TMEM237: variants seen among roughly 807,000 people sequenced by gnomAD.
The protein encoded by TMEM237 is transmembrane protein 237.
TMEM237 carries 51 observed loss-of-function variants against 59.1 expected under a neutral mutation model. The ratio of observed to expected loss-of-function variants is 0.86; its 90% CI spans 0.69 to 1.09. The LOEUF is 1.09. TMEM237 is among the 50% of genes least tolerant of loss of function. The pLI, the probability that TMEM237 is intolerant of heterozygous loss-of-function variation, is 0.00. For synonymous variants in TMEM237, 140 were observed against 166.1 expected, an observed-to-expected ratio of 0.84 and a Z score of 1.21; for missense variants, 475 against 478.3, an observed-to-expected ratio of 0.99 and a Z score of 0.06.
At chr2:201,624,345 C>T in intron 12 of TMEM237, 23 bp from the exon 13 acceptor site, 2 of 1,596,750 alleles carry the variant, frequency 1.3e-6, no homozygotes, top group Non-Finnish European at 1.7e-6. Context: ...ATGAACAGAT[C>T]ATACTTAAAA....
intron 7 of TMEM237, among the ~76,000 whole-genome samples, chr2:201,630,318 G>A (rs1559586583): frequency 6.6e-6 from 1 of 152,100 alleles, no homozygotes; most frequent in Non-Finnish European, 1.5e-5. Flanking sequence ...TGGCTTTCTG[G>A]GATGACAGGA....
Position 201,628,121 on chromosome 2 carries a change from T to C in TMEM237, c.898A>G (p.Ile300Val), listed in dbSNP as rs774932736. The change falls in exon 10 of 13, where the codon ATC becomes GTC. Residue 300 changes from isoleucine to valine, a missense_variant. By Grantham distance (29) the Ile-to-Val change is conservative. Coordinates refer to ENST00000409883, the MANE Select transcript of TMEM237 (RefSeq NM_001044385.3). ...RIDFAKISVA[I>V]RNFLALDPTA... ...GGATCCAGGGCCAAAAAATTTCGGA[T>C]TGCTACTGATATTTTAGCAAAGTCA... The C allele has an allele frequency of 6.2e-7, 1 of 1,607,318 alleles. No homozygotes were observed. The highest frequency in any genetic ancestry group is 8.5e-7 in the Non-Finnish European group (1 of 1,176,764).
chr2:201,634,750 G>A (rs1002112905), intron 5 of TMEM237: 13 of 229,392 alleles, frequency 5.7e-5, no homozygotes, highest in African/African-American at 2.1e-4. Flanking sequence ...CCGCCCCTTC[G>A]TTCTCATAGA....
chr2:201,629,249 T>C lies in TMEM237; in HGVS notation c.850A>G (p.Thr284Ala), dbSNP rs759490227. ...SLLYLLLALS[T>A]ISAFDRIDFA... ...CATTACCTGTCAAAAGCTGAAATTG[T>C]ACTCAGAGCCAAAAGCAAGTACAGA... The change falls in exon 9 of 13, where the codon ACA (threonine) becomes GCA (alanine). Residue 284 changes from threonine (T) to alanine (A), a missense_variant. By Grantham distance (58) the Thr-to-Ala change is moderately conservative. Transcript: ENST00000409883. The C allele has an allele frequency of 6.4e-7, 1 of 1,572,174 alleles. No homozygotes were observed. The highest frequency in any genetic ancestry group is 8.6e-7 in the Non-Finnish European group (1 of 1,165,754).
intron 1 of TMEM237, chr2:201,642,712 A>T: frequency 1.9e-6 from 3 of 1,560,076 alleles, no homozygotes; most frequent in Non-Finnish European, 2.6e-6. Context: ...CGCAGGCGCA[A>T]TGCGTCATCG....
In TMEM237 at chr2:201,621,604, A is replaced by T. The variant is rs1268148187; in HGVS notation, c.*2651T>A. On this transcript the variant is annotated 3_prime_UTR_variant, in exon 13 of 13. Transcript: ENST00000409883. ...AAAAGCGAATCCCATAAAATTACAT[A>T]CTGTATGATTCAATTTATAACATTA... is the stretch of plus-strand genomic sequence containing the variant. 3 of 152,642 alleles carry T rather than the reference A, an allele frequency of 2.0e-5. No individual in the cohort carries two copies. Among genetic ancestry groups the T allele is most frequent in the Non-Finnish European group, 2.9e-5 (2 of 68,038 alleles). 9.5% of individuals were successfully genotyped at this position (152,642 alleles called of 1,614,324 possible).
rs1057148787 is a variant in TMEM237, at chr2:201,627,372, G to C, written c.986C>G (p.Thr329Arg). ...ALILSLSQQM[T>R]SDRIHLYTPS... ...TGTGTAAAGGTGGATTCTGTCACTT[G>C]TCATTTGCTGACTCAGAGATAGTAT... The change falls in exon 11 of 13, where the codon ACA (threonine) becomes AGA (arginine). Residue 329 changes from threonine (T) to arginine (R), a missense_variant. Physicochemically the swap from Thr to Arg is moderately conservative, Grantham distance 71. Transcript: ENST00000409883. 6.2e-7 allele frequency: 1 copy of C among 1,607,676 alleles called. No homozygotes were observed. Among genetic ancestry groups the C allele is most frequent in the Admixed American group, 1.7e-5 (1 of 59,354 alleles).
intron 7 of TMEM237, 70 bp from the exon 8 acceptor site, chr2:201,629,922 T>C (rs1957794828): frequency 6.4e-7 from 1 of 1,567,606 alleles, no homozygotes; most frequent in Non-Finnish European, 8.6e-7. Flanking sequence ...TTTTTTTAAA[T>C]TCCATACTCA....
intron 12 of TMEM237, among the ~76,000 whole-genome samples, chr2:201,624,919 G>C (rs996276623): frequency 6.6e-6 from 1 of 152,186 alleles, no homozygotes; most frequent in Non-Finnish European, 1.5e-5. Flanking sequence ...CCACAATGTA[G>C]AATGTTATTA....
Position 201,633,219 on chromosome 2 carries a change from A to C in TMEM237, c.395+92T>G, listed in dbSNP as rs1313419139. ...AGAGGTACACAAATACAAGTATGTA[A>C]TAAGACTTAATGAGAAGCTACTGCT... On this transcript the variant is annotated intron_variant, in intron 6 of 12. Coordinates refer to ENST00000409883, the MANE Select transcript of TMEM237 (RefSeq NM_001044385.3). The C allele has an allele frequency of 7.5e-6, 10 of 1,330,110 alleles. No individual in the cohort carries two copies. In the African/African-American group the frequency reaches 1.1e-4, roughly 14 times the overall value. The allele number at this position is 1,330,110 out of a possible 1,614,324, so 82.4% of individuals were successfully genotyped here. A position where few individuals can be genotyped will look rare whatever the true frequency, so the allele number is the denominator to read the frequency against.
intron 5 of TMEM237, chr2:201,634,282 C>A (rs767674825): frequency 6.6e-6 from 1 of 152,186 alleles, no homozygotes; most frequent in Non-Finnish European, 1.5e-5. Flanking sequence ...ACTCTTCCTA[C>A]CTGGAAATAC....
At chr2:201,641,055 G>C in intron 1 of TMEM237, 131 bp from the exon 2 acceptor site, 2 of 680,410 alleles carry the variant, frequency 2.9e-6, no homozygotes, top group Non-Finnish European at 4.6e-6. Flanking sequence ...GCAACGGCAC[G>C]ATCTTGGCTC....
At position 201,629,727 on chromosome 2, in the gene TMEM237, A is replaced by G; in HGVS notation, c.677+2T>C. On this transcript the variant is annotated splice_donor_variant, in intron 8 of 12. Transcript: ENST00000409883. LOFTEE classifies it high-confidence loss of function. ...TAAGAAAAGTCCAACAAAAGCAGCCACCTGAAAGCCCGGTGCACTGTAAGT... is the reference window on the plus strand; with the variant it reads ...TAAGAAAAGTCCAACAAAAGCAGCCGCCTGAAAGCCCGGTGCACTGTAAGT... The G allele has an allele frequency of 6.3e-7, 1 of 1,588,436 alleles. No individual in the cohort carries two copies. Among genetic ancestry groups the G allele is most frequent in the Non-Finnish European group, 8.5e-7 (1 of 1,174,044 alleles).
Position 201,643,016 on chromosome 2 carries a change from C to G in TMEM237, c.42+343G>C. 7.7e-7 allele frequency: 1 copy of G among 1,290,706 alleles called. No homozygotes were observed. Among genetic ancestry groups the G allele is most frequent in the Non-Finnish European group, 9.8e-7 (1 of 1,019,262 alleles). 80.0% of individuals were successfully genotyped at this position (1,290,706 alleles called of 1,614,324 possible). A position where few individuals can be genotyped will look rare whatever the true frequency, so the allele number is the denominator to read the frequency against. On this transcript the variant is annotated intron_variant, in intron 1 of 12. Transcript: ENST00000409883. This position sits in a 1 kb window ranked among gnomAD's most constrained non-coding sequence, Gnocchi z 4.3. Reference sequence around the variant, plus strand: ...AGATCTCTTCTGGGCAGCTACAGACCTCTCCTCGGAGGAGTCTAGGAGAGG... The same window carrying G: ...AGATCTCTTCTGGGCAGCTACAGACGTCTCCTCGGAGGAGTCTAGGAGAGG...
At chr2:201,628,703 G>C (rs987431763) in intron 9 of TMEM237, among the ~76,000 whole-genome samples, 2 of 152,144 alleles carry the variant, frequency 1.3e-5, no homozygotes, top group African/African-American at 4.8e-5. Flanking sequence ...GCAAATATTG[G>C]AATGATGCAT....
intron 5 of TMEM237, chr2:201,634,321 A>G (rs1043274371): frequency 4.6e-5 from 7 of 152,260 alleles, no homozygotes; most frequent in Non-Finnish European, 1.0e-4. Context: ...TCAAGACCTT[A>G]CAATTCTATT....
At chr2:201,633,502 A>G in intron 5 of TMEM237, 71 bp from the exon 6 acceptor site, 2 of 1,209,002 alleles carry the variant, frequency 1.7e-6, no homozygotes, top group Non-Finnish European at 1.1e-6. Flanking sequence ...CAAGACTTGT[A>G]TAAGAGAAAA....
At chr2:201,624,453 G>A (rs1574576554) in intron 12 of TMEM237, 131 bp from the exon 13 acceptor site, 1 of 492,780 alleles carries the variant, frequency 2.0e-6, no homozygotes, top group East Asian at 3.3e-5. Context: ...CCTCAAGTAA[G>A]ATTTCTTGAC....
At chr2:201,636,187 T>C (rs1406725043) in intron 5 of TMEM237, 1 of 152,280 alleles carries the variant, frequency 6.6e-6, no homozygotes, top group African/African-American at 2.4e-5. Flanking sequence ...CTTTAATTAC[T>C]GCAGCTATTG....
Sources: allele counts gnomAD v4.1 joint callset (sites outside exome capture counted in the v4.1 genomes callset), GRCh38; gene constraint gnomAD v4.1.1; non-coding constraint Gnocchi (gnomAD v3.1); transcripts MANE v1.5; gene names NCBI Gene and HGNC (gene_info 2026-07-23, HGNC 2026-07-21).